GRM5: variants seen among roughly 807,000 people sequenced by gnomAD.
GRM5 encodes the protein metabotropic glutamate receptor 5.
A neutral mutation model predicts 83.1 loss-of-function variants in GRM5; 19 were observed. The observed-to-expected ratio is 0.23, with a 90% CI of 0.16 to 0.34. The LOEUF (loss-of-function observed/expected upper bound fraction) is 0.34, where lower values mean the gene tolerates loss of function less well. Among genes scored for constraint, GRM5 ranks in the 10% least tolerant of loss-of-function variants. GRM5 has a pLI of 1.00. For synonymous variants in GRM5, 675 were observed against 633.6 expected, an observed-to-expected ratio of 1.07 and a Z score of -0.98; for missense variants, 1,160 against 1,588.3, an observed-to-expected ratio of 0.73 and a Z score of 4.58.
intron 3 of GRM5, among the ~76,000 whole-genome samples, chr11:88,760,628 T>G (rs1942492533): frequency 6.6e-6 from 1 of 151,676 alleles, no homozygotes; most frequent in South Asian, 2.1e-4. Context: ...TTCTACTAGA[T>G]GTACAAAAAA....
intron 3 of GRM5, among the ~76,000 whole-genome samples, chr11:88,688,171 C>A (rs1022127833): frequency 6.6e-6 from 1 of 152,084 alleles, no homozygotes. Flanking sequence ...TAAAGATCTT[C>A]CCTCAGTACT....
intron 2 of GRM5, among the ~76,000 whole-genome samples, chr11:88,945,925 A>C (rs1938269190): frequency 5.3e-5 from 8 of 152,162 alleles, no homozygotes; most frequent in Admixed American, 3.9e-4. Context: ...ACAACAAAAG[A>C]AATGATCAAC....
intron 3 of GRM5, among the ~76,000 whole-genome samples, chr11:88,808,823 C>T (rs1334842376): frequency 1.3e-5 from 2 of 151,956 alleles, no homozygotes; most frequent in East Asian, 3.9e-4. Context: ...TAATAATGTA[C>T]CTCGAAATAT....
intron 1 of GRM5, among the ~76,000 whole-genome samples, chr11:89,056,982 G>T (rs1025130853): frequency 5.9e-5 from 9 of 152,036 alleles, no homozygotes; most frequent in Admixed American, 4.6e-4. Context: ...ATGAAAAAGA[G>T]ATATTGATGG....
intron 3 of GRM5, among the ~76,000 whole-genome samples, chr11:88,746,128 C>G (rs1333870949): frequency 2.6e-5 from 4 of 152,070 alleles, no homozygotes; most frequent in Non-Finnish European, 5.9e-5. Flanking sequence ...GATTGATAAC[C>G]CTTGGAATCC....
At position 88,768,177 on chromosome 11, in the gene GRM5, T is replaced by C. The variant is rs964353785; in HGVS notation, c.911+81729A>G. Among the ~76,000 whole-genome samples the C allele has an allele frequency of 7.9e-5, 12 of 152,098 alleles. No individual in the cohort carries two copies. In the East Asian group the frequency reaches 2.3e-3, roughly 29 times the overall value. ...AGTGTATTATTTGCCACAGTTAAAA[T>C]GTGAAAGCAACCCCAGTGCCCACTG... On this transcript the variant is annotated intron_variant, in intron 3 of 9. Coordinates refer to ENST00000305447, the MANE Select transcript of GRM5 (RefSeq NM_001143831.3).
At chr11:88,557,766 T>G (rs1029711678) in intron 8 of GRM5, among the ~76,000 whole-genome samples, 1 of 151,902 alleles carries the variant, frequency 6.6e-6, no homozygotes, top group Non-Finnish European at 1.5e-5. Context: ...TTTTTTTTTT[T>G]TAATACTTTA....
In GRM5 at chr11:88,509,115, A is replaced by G; in HGVS notation, c.3116T>C (p.Val1039Ala). Residue 1039 changes from valine to alanine, a missense_variant, in exon 10 of 10, where the codon GTG (valine) becomes GCG (alanine). Transcript: ENST00000305447. ...CACAGGCTCCGAGTGCAGCGACGGC[A>G]CATCGTCGTCCGTGCGGCTGGCCGA... is the stretch of plus-strand genomic sequence containing the variant. ...AGSASRTDDDVPSLHSEPVAR... is the reference protein window; with the variant it reads ...AGSASRTDDDAPSLHSEPVAR... The G allele has an allele frequency of 6.5e-7, 1 of 1,545,906 alleles. No homozygotes were observed. Among genetic ancestry groups the G allele is most frequent in the Non-Finnish European group, 8.7e-7 (1 of 1,145,810 alleles).
chr11:88,645,898 G>A (rs6483342), intron 4 of GRM5, among the ~76,000 whole-genome samples: 129,127 of 152,030 alleles, frequency 0.85, 56,840 homozygotes, highest in Non-Finnish European at 0.97. Context: ...GGAAGAGGTG[G>A]GGACTACTCA....
At chr11:88,522,778 C>A (rs980780684) in intron 9 of GRM5, 2 of 152,198 alleles carry the variant, frequency 1.3e-5, no homozygotes, top group African/African-American at 4.8e-5. Flanking sequence ...TAGTAGTATG[C>A]ATTATTCCCC....
intron 4 of GRM5, among the ~76,000 whole-genome samples, chr11:88,635,369 AG>A (rs1485871685): frequency 6.6e-6 from 1 of 152,092 alleles, no homozygotes. Flanking sequence ...CCATTCTAAC[AG>A]GTGTGAGATG....
chr11:88,874,408 C>T (rs1478236815), intron 2 of GRM5, among the ~76,000 whole-genome samples: 1 of 151,694 alleles, frequency 6.6e-6, no homozygotes, highest in Admixed American at 6.6e-5. Context: ...ACACTATAAC[C>T]GTATCTCTTA....
At chr11:88,611,973 T>A (rs919110606) in intron 4 of GRM5, among the ~76,000 whole-genome samples, 16 of 151,846 alleles carry the variant, frequency 1.1e-4, no homozygotes, top group Non-Finnish European at 1.6e-4. Context: ...ATTTATTATT[T>A]TTTTTTATTA....
At chr11:89,053,872 A>G (rs1349820187) in intron 1 of GRM5, among the ~76,000 whole-genome samples, 1 of 152,212 alleles carries the variant, frequency 6.6e-6, no homozygotes, top group East Asian at 1.9e-4. Flanking sequence ...AAGCAAATAC[A>G]AAGCCCCTAA....
At chr11:88,560,317 T>C (rs527759929) in intron 8 of GRM5, among the ~76,000 whole-genome samples, 10 of 152,282 alleles carry the variant, frequency 6.6e-5, no homozygotes, top group African/African-American at 2.4e-4. Context: ...ATTTACTACT[T>C]CTACCTTTGG....
At chr11:88,590,495 A>G in intron 7 of GRM5, 106 bp downstream of exon 7, 1 of 854,212 alleles carries the variant, frequency 1.2e-6, no homozygotes, top group Non-Finnish European at 1.9e-6. Flanking sequence ...TTTGTTCCAT[A>G]AATAAGACTA....
chr11:88,919,577 T>C (rs1378756241), intron 2 of GRM5, among the ~76,000 whole-genome samples: 1 of 151,720 alleles, frequency 6.6e-6, no homozygotes, highest in Non-Finnish European at 1.5e-5. Flanking sequence ...GAATATTTTA[T>C]TTAACAACTG....
chr11:88,660,542 A>G (rs1156989618), intron 3 of GRM5, among the ~76,000 whole-genome samples: 2 of 152,192 alleles, frequency 1.3e-5, no homozygotes, highest in Non-Finnish European at 2.9e-5. Context: ...CAAAGGAGCA[A>G]TACCAATCTA....
intron 7 of GRM5, among the ~76,000 whole-genome samples, chr11:88,580,793 T>C (rs770640555): frequency 3.9e-5 from 6 of 152,248 alleles, no homozygotes; most frequent in Non-Finnish European, 7.3e-5. Flanking sequence ...TTGATTGTGC[T>C]AGACAGTCAT....
Sources: allele counts gnomAD v4.1 joint callset (sites outside exome capture counted in the v4.1 genomes callset), GRCh38; gene constraint gnomAD v4.1.1; transcripts MANE v1.5; gene names NCBI Gene and HGNC (gene_info 2026-07-23, HGNC 2026-07-21).